Variants in CT47B1 observed in about 807,000 individuals in gnomAD.
CT47B1 encodes the protein cancer/testis antigen family 47 member B1.
CT47B1 carries 24 observed loss-of-function variants against 12.8 expected under a neutral mutation model. That is an observed-to-expected ratio of 1.87 (90% CI 1.36 to 2.63). The LOEUF is 2.63. Among genes scored for constraint, CT47B1 ranks in the 30% most tolerant of loss-of-function variants. The probability of loss-of-function intolerance (pLI) is 0.00; values close to 1 mark genes in which losing one functional copy is unlikely to be tolerated. For synonymous variants in CT47B1, 228 were observed against 133.3 expected, an observed-to-expected ratio of 1.71 and a Z score of -4.89; for missense variants, 523 against 271.3, an observed-to-expected ratio of 1.93 and a Z score of -6.52.
Position 120,875,224 on chromosome X carries a change from G to A in CT47B1, c.447C>T (p.Ser149=), listed in dbSNP as rs748541503. ...DHIQIANRHL[S]RLMVGPHAAV... Reference sequence around the variant, plus strand: ...CAGCGTGGGGCCCCACCATCAGGCGGCTGAGGTGACGGTTCGCTATCTGGA... The same window carrying A: ...CAGCGTGGGGCCCCACCATCAGGCGACTGAGGTGACGGTTCGCTATCTGGA... Residue 149 remains serine (S), a synonymous_variant, in exon 1 of 3, where the codon AGC becomes AGT. Transcript: ENST00000371311. 1.7e-5 allele frequency: 21 copies of A among 1,210,299 alleles called. 1 individual carries two copies. The South Asian group carries it at 3.0e-4, about 17-fold the overall frequency.
rs749297674 is a variant in CT47B1 at position 120,874,904 on chromosome X, G to C, written c.767C>G (p.Ala256Gly). The C allele has an allele frequency of 8.3e-7, 1 of 1,209,339 alleles. No individual in the cohort carries two copies. Among genetic ancestry groups the C allele is most frequent in the Non-Finnish European group, 1.1e-6 (1 of 894,664 alleles). ...GCCGCTAGCCCCCTTACCCTCGGGG[G>C]CCACGGCCTCCTCTGAGGTCGGTTC... ...AEEPTSEEAV[A>G]PEEVTKSQPE... The change falls in exon 1 of 3, where the codon GCC (alanine) becomes GGC (glycine). Residue 256 changes from alanine (A) to glycine (G), a missense_variant. Ala to Gly is a moderately conservative substitution (Grantham distance 60). Transcript: ENST00000371311.
At position 120,875,119 on chromosome X, in the gene CT47B1, G is replaced by T. The variant is rs751300926; in HGVS notation, c.552C>A (p.Gly184=). Residue 184 remains glycine, a synonymous_variant, in exon 1 of 3, where the codon GGC becomes GGA. Coordinates refer to ENST00000371311, the MANE Select transcript of CT47B1 (RefSeq NM_001145718.3). The stretch of plus-strand genomic sequence containing the variant: ...CCTCCTGGATCAGGCCGAGGCCCTC[G>T]CCTTCTGGGGCTGCAGCCCCTGCAC... ...RLGAGAAAPE[G]EGLGLIQEAA... 3 of 1,210,062 alleles carry T rather than the reference G, an allele frequency of 2.5e-6. No homozygotes were observed. The highest frequency in any genetic ancestry group is 1.7e-5 in the African/African-American group (1 of 57,849).
rs1484463482 is a variant in CT47B1 at position 120,873,303 on chromosome X, C to T, written c.*31+562G>A. ...CATTACCAATTCAGTGATAAACACA[C>T]ATTCTTTTCATCTGACTGTGACATA... is the stretch of plus-strand genomic sequence containing the variant. On this transcript the variant is annotated intron_variant, in intron 2 of 2. Transcript: ENST00000371311. 3.0e-5 allele frequency among the ~76,000 whole-genome samples: 3 copies of T among 100,756 alleles called. 1 individual carries two copies. The highest frequency in any genetic ancestry group is 2.9e-4 in the East Asian group (1 of 3,484). The allele number at this position is 100,756 out of a possible 115,157, so 87.5% of individuals were successfully genotyped here.
In CT47B1 at chrX:120,875,202, C is replaced by A. The variant is rs775300834; in HGVS notation, c.469G>T (p.Ala157Ser). ...TTGTCCCAGAGGTTGGGCACAGCAG[C>A]GTGGGGCCCCACCATCAGGCGGCTG... is the stretch of plus-strand genomic sequence containing the variant. ...HLSRLMVGPH[A>S]AVPNLWDNPP... The change falls in exon 1 of 3, where the codon GCT becomes TCT. Residue 157 changes from alanine (A) to serine (S), a missense_variant. By Grantham distance (99) the Ala-to-Ser change is moderately conservative (BLOSUM62 1). Coordinates refer to ENST00000371311, the MANE Select transcript of CT47B1 (RefSeq NM_001145718.3). The A allele has an allele frequency of 2.5e-6, 3 of 1,211,170 alleles. No homozygotes were observed. Among genetic ancestry groups the A allele is most frequent in the Non-Finnish European group, 3.4e-6 (3 of 894,879 alleles).
chrX:120,874,972 C>CTCTGCGGCCTCCTCTGGGGGTTTCTCA lies in CT47B1; in HGVS notation c.672_698dup (p.Asp224_Ala232dup), dbSNP rs1441196634. On this transcript the variant is annotated inframe_insertion, in exon 1 of 3. Transcript: ENST00000371311. The stretch of plus-strand genomic sequence containing the variant: ...CTGTGGCCTCCTCTGTGAGCTTCTC[C>CTCTGCGGCCTCCTCTGGGGGTTTCTCA]TCTGCGGCCTCCTCTGGGGGTTTCT... 1 of 1,206,532 alleles carries CTCTGCGGCCTCCTCTGGGGGTTTCTCA rather than the reference C, an allele frequency of 8.3e-7. No individual in the cohort carries two copies. The highest frequency in any genetic ancestry group is 1.8e-5 in the South Asian group (1 of 56,912).
At chrX:120,874,836 G>C in intron 1 of CT47B1, 60 bp downstream of exon 1, 3 of 1,190,323 alleles carry the variant, frequency 2.5e-6, no homozygotes, top group Non-Finnish European at 3.4e-6. Context: ...CCGCAGCCCT[G>C]CCCAGAGCCC....
In CT47B1 at chrX:120,875,048, G is replaced by A. The variant is rs972667589; in HGVS notation, c.623C>T (p.Pro208Leu). The A allele has an allele frequency of 9.9e-6, 12 of 1,208,422 alleles. No homozygotes were observed. In the Admixed American group the frequency reaches 1.1e-4, roughly 11 times the overall value. Reference sequence around the variant, plus strand: ...CCTGGCCATCTCGGCCAGGTCAGCTGGCACTGCAGGCTCTGGGACCGACGC... The same window carrying A: ...CCTGGCCATCTCGGCCAGGTCAGCTAGCACTGCAGGCTCTGGGACCGACGC... ...EAASVPEPAV[P>L]ADLAEMAREP... Residue 208 changes from proline to leucine, a missense_variant, in exon 1 of 3, where the codon CCA becomes CTA. By Grantham distance (98) the Pro-to-Leu change is moderately conservative. Transcript: ENST00000371311.
chrX:120,875,802 T>G lies in CT47B1; in HGVS notation c.-132A>C. The stretch of plus-strand genomic sequence containing the variant: ...CTGAGGGAATAAGAGTCTTTCTCTT[T>G]ATTGAGGAAATAAGAGTCTGTCTCA... On this transcript the variant is annotated 5_prime_UTR_variant, in exon 1 of 3. Transcript: ENST00000371311. 1 of 706,387 alleles carries G rather than the reference T, an allele frequency of 1.4e-6. No individual in the cohort carries two copies. Among genetic ancestry groups the G allele is most frequent in the Non-Finnish European group, 1.9e-6 (1 of 526,807 alleles). The allele number at this position is 706,387 out of a possible 1,213,427, so 58.2% of individuals were successfully genotyped here.
rs1417846432 is a variant in CT47B1 at position 120,875,719 on chromosome X, C to T, written c.-49G>A. 10 of 538,640 alleles carry T rather than the reference C, an allele frequency of 1.9e-5. No homozygotes were observed. The highest frequency in any genetic ancestry group is 2.5e-5 in the Non-Finnish European group (9 of 365,356). 44.4% of individuals were successfully genotyped at this position (538,640 alleles called of 1,213,427 possible). ...GGTGGCGAGCGGGCTGAGGCGACCA[C>T]GGTGAAGACGGTGACCACTGAGGTG... On this transcript the variant is annotated 5_prime_UTR_variant, in exon 1 of 3. In the 5' UTR this introduces an upstream ATG that the reference lacks. Coordinates refer to ENST00000371311, the MANE Select transcript of CT47B1 (RefSeq NM_001145718.3).
rs768661239 is a variant in CT47B1 at position 120,875,235 on chromosome X, G to A, written c.436C>T (p.Arg146Cys). ...CCCACCATCAGGCGGCTGAGGTGAC[G>A]GTTCGCTATCTGGATGTGGTCGTTG... ...YHNDHIQIAN[R>C]HLSRLMVGPH... The change falls in exon 1 of 3, where the codon CGT becomes TGT. Residue 146 changes from arginine (R) to cysteine (C), a missense_variant. Transcript: ENST00000371311. 10 of 1,210,217 alleles carry A rather than the reference G, an allele frequency of 8.3e-6. No homozygotes were observed. The highest frequency in any genetic ancestry group is 5.3e-5 in the South Asian group (3 of 56,875).
At chrX:120,872,779 T>G (rs1384527154) in intron 2 of CT47B1, 39 bp from the exon 3 acceptor site, 1 of 101,636 alleles carries the variant, frequency 9.8e-6, no homozygotes. Context: ...AGAGTCTTCT[T>G]TTCCTCCCAA....
chrX:120,875,455 C>T lies in CT47B1; in HGVS notation c.216G>A (p.Leu72=). The change falls in exon 1 of 3, where the codon CTG becomes CTA. Residue 72 remains leucine, a synonymous_variant. Coordinates refer to ENST00000371311, the MANE Select transcript of CT47B1 (RefSeq NM_001145718.3). ...GEEEGEQAAG[L]AAVPQGGSAE... is the part of the protein sequence containing the mutation. ...CGCTCCCGCCCTGGGGGACTGCGGC[C>T]AGGCCTGCCGCCTGCTCACCCTCCT... is the stretch of plus-strand genomic sequence containing the variant. The T allele has an allele frequency of 8.3e-7, 1 of 1,206,045 alleles. No individual in the cohort carries two copies. The highest frequency in any genetic ancestry group is 1.1e-6 in the Non-Finnish European group (1 of 894,285).
At position 120,873,949 on chromosome X, in the gene CT47B1, G is replaced by A. The variant is rs779414722; in HGVS notation, c.847C>T (p.Gln283Ter). Residue 283 changes from glutamine to a stop codon, truncating the protein, a stop_gained, in exon 2 of 3, where the codon CAA (glutamine) becomes TAA (stop). Transcript: ENST00000371311. LOFTEE classifies it high-confidence loss of function. ...TTTTCCACATCCTTCTCTTTTTCTT[G>A]TTCTTTCTCTTCCTCGCCTGCAGCA... ...QDAAGEEEKE[Q>*]EKEKDVENKV... 8.6e-7 allele frequency: 1 copy of A among 1,166,144 alleles called. No individual in the cohort carries two copies.
At chrX:120,873,191 A>G (rs1422888616) in intron 2 of CT47B1, among the ~76,000 whole-genome samples, 1 of 100,611 alleles carries the variant, frequency 9.9e-6, no homozygotes, top group Non-Finnish European at 2.2e-5. Flanking sequence ...TACGAAATAT[A>G]CGGCTGTGAA....
rs745992406 is a variant in CT47B1, at chrX:120,875,274, G to A, written c.397C>T (p.Arg133Cys). Residue 133 changes from arginine to cysteine, a missense_variant, in exon 1 of 3, where the codon CGC (arginine) becomes TGC (cysteine). By Grantham distance (180) the Arg-to-Cys change is radical. Coordinates refer to ENST00000371311, the MANE Select transcript of CT47B1 (RefSeq NM_001145718.3). ...VFLYLVHSLL[R>C]RLYHNDHIQI... is the part of the protein sequence containing the mutation. ...ATGTGGTCGTTGTGATAGAGGCGGC[G>A]GAGAAGGGAGTGGACCAGGTACAGG... 9.1e-6 allele frequency: 11 copies of A among 1,210,244 alleles called. No homozygotes were observed. The highest frequency in any genetic ancestry group is 8.8e-5 in the South Asian group (5 of 56,892).
In CT47B1 at chrX:120,875,348, A is replaced by G. The variant is rs753272134; in HGVS notation, c.323T>C (p.Leu108Ser). Residue 108 changes from leucine (L) to serine (S), a missense_variant, in exon 1 of 3, where the codon TTG (leucine) becomes TCG (serine). Transcript: ENST00000371311. The stretch of plus-strand genomic sequence containing the variant: ...CGGGTACCGACGGGTGGCCACCGCC[A>G]AGTCGAAGTTGGCCGCCTCGTTCCC... ...EEGNEAANFD[L>S]AVATRRYPAA... 515 of 1,209,296 alleles carry G rather than the reference A, an allele frequency of 4.3e-4. 1 individual carries two copies. The highest frequency in any genetic ancestry group is 5.4e-4 in the Non-Finnish European group (481 of 894,297).
chrX:120,875,146 C>T lies in CT47B1; in HGVS notation c.525G>A (p.Leu175=). ...CTTCTGGGGCTGCAGCCCCTGCACCCAGCCTCTGGGACAGCAGCAGCAGGG... is the reference window on the plus strand; with the variant it reads ...CTTCTGGGGCTGCAGCCCCTGCACCTAGCCTCTGGGACAGCAGCAGCAGGG... ...NPPLLLLSQR[L]GAGAAAPEGE... is the part of the protein sequence containing the mutation. Residue 175 remains leucine (L), a synonymous_variant, in exon 1 of 3, where the codon CTG becomes CTA. Transcript: ENST00000371311. 1.7e-6 allele frequency: 2 copies of T among 1,210,864 alleles called. No homozygotes were observed. The highest frequency in any genetic ancestry group is 2.2e-6 in the Non-Finnish European group (2 of 894,847).
At chrX:120,874,838 C>G in intron 1 of CT47B1, 58 bp downstream of exon 1, 1 of 1,193,134 alleles carries the variant, frequency 8.4e-7, no homozygotes, top group Non-Finnish European at 1.1e-6. Flanking sequence ...GCAGCCCTGC[C>G]CAGAGCCCTT....
rs1474586929 is a variant in CT47B1, at chrX:120,875,087, G to A, written c.584C>T (p.Ser195Leu). The change falls in exon 1 of 3, where the codon TCG becomes TTG. Residue 195 changes from serine (S) to leucine (L), a missense_variant. By Grantham distance (145) the Ser-to-Leu change is moderately radical. Coordinates refer to ENST00000371311, the MANE Select transcript of CT47B1 (RefSeq NM_001145718.3). ...TGGGACCGACGCGGCCTCCTGGACCGACGCAGCCTCCTGGATCAGGCCGAG... is the reference window on the plus strand; with the variant it reads ...TGGGACCGACGCGGCCTCCTGGACCAACGCAGCCTCCTGGATCAGGCCGAG... ...EGLGLIQEAA[S>L]VQEAASVPEP... 1.7e-6 allele frequency: 2 copies of A among 1,208,060 alleles called. No individual in the cohort carries two copies. The highest frequency in any genetic ancestry group is 2.2e-6 in the Non-Finnish European group (2 of 894,388).
Sources: gnomAD v4.1 joint callset for allele counts (sites outside exome capture counted in the v4.1 genomes callset) on GRCh38, gnomAD v4.1.1 for gene constraint, MANE v1.5 for transcripts, NCBI Gene and HGNC (gene_info 2026-07-23, HGNC 2026-07-21) for gene names.